The following DYNC2H1 variants were observed in gnomAD, a reference collection of about 807,000 sequenced individuals.
DYNC2H1 encodes cytoplasmic dynein 2 heavy chain 1.
DYNC2H1 carries 410 observed loss-of-function variants against 570.0 expected under a neutral mutation model. That is an observed-to-expected ratio of 0.72 (90% CI 0.66 to 0.78). The LOEUF (loss-of-function observed/expected upper bound fraction) is 0.78. DYNC2H1 is among the 30% of genes least tolerant of loss of function. The probability of loss-of-function intolerance (pLI) is 0.00; values close to 1 mark genes in which losing one functional copy is unlikely to be tolerated. For synonymous variants in DYNC2H1, 1,688 were observed against 1,677.6 expected, an observed-to-expected ratio of 1.01 and a Z score of -0.15; for missense variants, 4,865 against 5,046.4, an observed-to-expected ratio of 0.96 and a Z score of 1.09.
At chr11:103,191,335 G>A (rs1374798125) in intron 45 of DYNC2H1, among the ~76,000 whole-genome samples, 182 bp from the exon 46 acceptor site, 4 of 151,910 alleles carry the variant, frequency 2.6e-5, no homozygotes, top group African/African-American at 2.4e-5. Flanking sequence ...AACTGCGCCC[G>A]ACCAGAATGT....
intron 83 of DYNC2H1, among the ~76,000 whole-genome samples, chr11:103,378,941 T>C (rs1941519936): frequency 1.3e-5 from 2 of 152,248 alleles, no homozygotes. Flanking sequence ...CACGATAATA[T>C]GTTTAAGTGT....
At chr11:103,283,996 C>G (rs1219596462) in intron 73 of DYNC2H1, among the ~76,000 whole-genome samples, 2 of 138,970 alleles carry the variant, frequency 1.4e-5, no homozygotes, top group East Asian at 4.3e-4. Context: ...CCCACCTGTG[C>G]ACTTCCTTGT....
chr11:103,171,083 G>T lies in DYNC2H1; in HGVS notation c.5334+15G>T. The T allele has an allele frequency of 6.5e-7, 1 of 1,537,634 alleles. No homozygotes were observed. On this transcript the variant is annotated intron_variant, in intron 34 of 88. Transcript: ENST00000375735. ...TTGGCAAGGAGGTATAGAATATGTTGGGAATTTAAAGAATTAAAATATTTT... is the reference window on the plus strand; with the variant it reads ...TTGGCAAGGAGGTATAGAATATGTTTGGAATTTAAAGAATTAAAATATTTT...
At chr11:103,229,549 A>T (rs1235979060) in intron 59 of DYNC2H1, among the ~76,000 whole-genome samples, 1 of 152,080 alleles carries the variant, frequency 6.6e-6, no homozygotes, top group Non-Finnish European at 1.5e-5. Flanking sequence ...TTTACGTATC[A>T]CAAATTTATC....
chr11:103,152,109 A>G (rs1171599643), intron 20 of DYNC2H1, 27 bp from the exon 21 acceptor site: 1 of 1,155,354 alleles, frequency 8.7e-7, no homozygotes. Context: ...TTGTTATTCA[A>G]TTTGTTTTTT....
chr11:103,343,371 C>A (rs1451036930), intron 82 of DYNC2H1, among the ~76,000 whole-genome samples: 1 of 152,170 alleles, frequency 6.6e-6, no homozygotes, highest in Admixed American at 6.5e-5. Context: ...CTAAAAACCA[C>A]TCCCTGTCTC....
At position 103,181,994 on chromosome 11, in the gene DYNC2H1, G is replaced by A; in HGVS notation, c.6477+108G>A. ...GAACTCTGCTGGAATGTGGGTGTGA[G>A]GTGAGAGGTGGATTTTGTCACTGCT... On this transcript the variant is annotated intron_variant, in intron 40 of 88. Transcript: ENST00000375735. This position sits in a 1 kb window ranked among gnomAD's most constrained non-coding sequence, Gnocchi z 5.0. The A allele has an allele frequency of 1.6e-6, 2 of 1,227,662 alleles. No homozygotes were observed. The highest frequency in any genetic ancestry group is 2.2e-6 in the Non-Finnish European group (2 of 893,532). 76.0% of individuals were successfully genotyped at this position (1,227,662 alleles called of 1,614,324 possible).
chr11:103,215,520 G>C (rs535070223), intron 54 of DYNC2H1, among the ~76,000 whole-genome samples: 1 of 152,042 alleles, frequency 6.6e-6, no homozygotes, highest in African/African-American at 2.4e-5. Context: ...AACCTCTGTG[G>C]GATCTTTAAC....
chr11:103,383,728 C>T (rs1012875537), intron 83 of DYNC2H1, among the ~76,000 whole-genome samples: 19 of 152,100 alleles, frequency 1.2e-4, no homozygotes, highest in African/African-American at 4.3e-4. Flanking sequence ...CCCGCCTCAG[C>T]CTCCCAAAGT....
At chr11:103,200,687 C>A (rs1000770480) in intron 50 of DYNC2H1, among the ~76,000 whole-genome samples, 1 of 152,144 alleles carries the variant, frequency 6.6e-6, no homozygotes, top group Non-Finnish European at 1.5e-5. Flanking sequence ...ATATGAAATT[C>A]CACATAATGC....
At chr11:103,112,513 T>TTTCAC (rs1858162052) in intron 1 of DYNC2H1, among the ~76,000 whole-genome samples, 1 of 152,216 alleles carries the variant, frequency 6.6e-6, no homozygotes, top group Non-Finnish European at 1.5e-5. Flanking sequence ...AGACATGTAA[T>TTTCAC]ACTTTGTAAT....
Position 103,113,614 on chromosome 11 carries a change from A to G in DYNC2H1, c.273A>G (p.Leu91=), listed in dbSNP as rs1317619653. The change falls in exon 2 of 89, where the codon CTA becomes CTG. Residue 91 remains leucine, a synonymous_variant. Transcript: ENST00000375735. ...CTGAAGTAATTACTGATGAGAATCT[A>G]CATGATAACATTCTTGTTTCATCTA... ...LRPEVITDEN[L]HDNILVSSML... is the part of the protein sequence containing the mutation. The G allele has an allele frequency of 1.9e-5, 30 of 1,575,554 alleles. No individual in the cohort carries two copies. The highest frequency in any genetic ancestry group is 2.5e-5 in the Non-Finnish European group (29 of 1,166,430).
intron 55 of DYNC2H1, among the ~76,000 whole-genome samples, chr11:103,218,886 T>A (rs1247735269): frequency 6.6e-6 from 1 of 152,190 alleles, no homozygotes; most frequent in Non-Finnish European, 1.5e-5. Flanking sequence ...GAAAGCACTG[T>A]CTGAAGAGAT....
At position 103,170,142 on chromosome 11, in the gene DYNC2H1, C is replaced by T. The variant is rs1186394040; in HGVS notation, c.5003C>T (p.Thr1668Ile). Residue 1668 changes from threonine (T) to isoleucine (I), a missense_variant, in exon 33 of 89, where the codon ACA becomes ATA. By Grantham distance (89) the Thr-to-Ile change is moderately conservative. Transcript: ENST00000375735. The surrounding 1 kb of genome is among the most constrained non-coding windows in gnomAD (Gnocchi z 4.8). ...NASKLVYTPLTDKCYLTLTQA... is the reference protein window; with the variant it reads ...NASKLVYTPLIDKCYLTLTQA... ...TCCAAACTGGTTTATACTCCACTGA[C>T]AGACAAGTGCTACTTAACTCTCACT... 3 of 1,612,800 alleles carry T rather than the reference C, an allele frequency of 1.9e-6. No homozygotes were observed. The African/African-American group carries it at 4.0e-5, about 22-fold the overall frequency.
In DYNC2H1 at chr11:103,325,496, C is replaced by T. The variant is rs1938425108; in HGVS notation, c.12039+1506C>T. Reference sequence around the variant, plus strand: ...TTTCCCCACTGCTTGTTTTATGGACCTTGTCAAAGATCGTCAGATTGTTGT... The same window carrying T: ...TTTCCCCACTGCTTGTTTTATGGACTTTGTCAAAGATCGTCAGATTGTTGT... On this transcript the variant is annotated intron_variant, in intron 82 of 88. Coordinates refer to ENST00000375735, the MANE Select transcript of DYNC2H1 (RefSeq NM_001377.3). The surrounding 1 kb of genome is among the most constrained non-coding windows in gnomAD (Gnocchi z 4.8). 1.3e-5 allele frequency among the ~76,000 whole-genome samples: 2 copies of T among 152,096 alleles called. No individual in the cohort carries two copies. Among genetic ancestry groups the T allele is most frequent in the Non-Finnish European group, 2.9e-5 (2 of 68,018 alleles).
chr11:103,376,937 T>A lies in DYNC2H1; in HGVS notation c.12156+18578T>A, dbSNP rs1029942623. Reference sequence around the variant, plus strand: ...CATTGTTGACTGATTTTTTTCTCAGTACTTTCTCTTCCTATTCTCTCCTGA... The same window carrying A: ...CATTGTTGACTGATTTTTTTCTCAGAACTTTCTCTTCCTATTCTCTCCTGA... On this transcript the variant is annotated intron_variant, in intron 83 of 88. Transcript: ENST00000375735. Among the ~76,000 whole-genome samples the A allele has an allele frequency of 8.2e-4, 125 of 152,236 alleles. 2 individuals are homozygous for A. Among genetic ancestry groups the A allele is most frequent in the Admixed American group, 8.1e-3 (124 of 15,268 alleles).
intron 65 of DYNC2H1, among the ~76,000 whole-genome samples, chr11:103,250,875 T>A (rs1000779747): frequency 6.6e-6 from 1 of 152,094 alleles, no homozygotes; most frequent in African/African-American, 2.4e-5. Context: ...ATGTAGCTTA[T>A]CTCCATTTAG....
At chr11:103,358,202 A>G in intron 82 of DYNC2H1, 41 bp from the exon 83 acceptor site, 2 of 1,196,208 alleles carry the variant, frequency 1.7e-6, no homozygotes, top group Non-Finnish European at 2.3e-6. Context: ...GTTCGGCTGA[A>G]GTTCTTTTTA....
chr11:103,436,224 C>G (rs1944057083), intron 85 of DYNC2H1, among the ~76,000 whole-genome samples, 192 bp downstream of exon 85: 1 of 146,018 alleles, frequency 6.8e-6, no homozygotes, highest in South Asian at 2.1e-4. Flanking sequence ...ACAAAATGTG[C>G]TTTCTGCTTT....
Sources: allele counts gnomAD v4.1 joint callset (sites outside exome capture counted in the v4.1 genomes callset), GRCh38; gene constraint gnomAD v4.1.1; non-coding constraint Gnocchi (gnomAD v3.1); transcripts MANE v1.5; gene names NCBI Gene and HGNC (gene_info 2026-07-23, HGNC 2026-07-21).